UBE2H: variants seen among roughly 807,000 people sequenced by gnomAD.
UBE2H encodes ubiquitin conjugating enzyme E2 H, also known as ubiquitin-conjugating enzyme E2 H.
In UBE2H, 3 loss-of-function variants were observed where a neutral mutation model predicts 29.0. The observed-to-expected ratio is 0.10, with a 90% CI of 0.05 to 0.27. The LOEUF (loss-of-function observed/expected upper bound fraction) is 0.27. Ranked by LOEUF, UBE2H falls within the 10% of genes least tolerant of loss-of-function variation. UBE2H has a pLI of 1.00. For missense variants in UBE2H, 68 were observed against 228.2 expected, an observed-to-expected ratio of 0.30 and a Z score of 4.52; for synonymous variants, 69 against 82.9, an observed-to-expected ratio of 0.83 and a Z score of 0.91.
chr7:129,869,310 T>A (rs965665003), intron 3 of UBE2H, among the ~76,000 whole-genome samples: 1 of 152,070 alleles, frequency 6.6e-6, no homozygotes, highest in African/African-American at 2.4e-5. Context: ...ACCCTGACCT[T>A]TGTCATTCCC....
At chr7:129,919,623 C>T (rs1019464184) in intron 1 of UBE2H, among the ~76,000 whole-genome samples, 1 of 152,200 alleles carries the variant, frequency 6.6e-6, no homozygotes, top group Non-Finnish European at 1.5e-5. Context: ...GGTCAAACTT[C>T]ATCTCTTGGA....
intron 3 of UBE2H, among the ~76,000 whole-genome samples, chr7:129,871,404 C>A (rs1245110889): frequency 1.3e-5 from 2 of 152,160 alleles, no homozygotes; most frequent in Admixed American, 1.3e-4. Flanking sequence ...TTGTTTCTCT[C>A]TACTGGAATT....
chr7:129,836,183 T>C (rs1409828567), intron 6 of UBE2H, among the ~76,000 whole-genome samples: 1 of 152,254 alleles, frequency 6.6e-6, no homozygotes, highest in African/African-American at 2.4e-5. Context: ...GAAATATTTA[T>C]TCAAACTTTA....
At chr7:129,939,171 G>T (rs1030922954) in intron 1 of UBE2H, among the ~76,000 whole-genome samples, 1 of 152,096 alleles carries the variant, frequency 6.6e-6, no homozygotes, top group South Asian at 2.1e-4. Context: ...AAAAGTGACT[G>T]TTTTTTTAAT....
chr7:129,893,474 C>G (rs558820713), intron 1 of UBE2H, among the ~76,000 whole-genome samples: 5 of 152,186 alleles, frequency 3.3e-5, no homozygotes, highest in African/African-American at 1.2e-4. Context: ...TTTTTAAAAG[C>G]AGATTTACAA....
In UBE2H at chr7:129,832,861, A is replaced by G. The variant is rs369663535; in HGVS notation, c.*2076T>C. 6.6e-6 allele frequency: 1 copy of G among 152,292 alleles called. No homozygotes were observed. The highest frequency in any genetic ancestry group is 1.9e-4 in the East Asian group (1 of 5,190). 9.4% of individuals were successfully genotyped at this position (152,292 alleles called of 1,614,324 possible). On this transcript the variant is annotated 3_prime_UTR_variant, in exon 7 of 7. Transcript: ENST00000355621. The stretch of plus-strand genomic sequence containing the variant: ...CCAGCACTTTAAGCCTACCCTAAAT[A>G]GCACCTACAATAAATGTCATAGCAC...
At chr7:129,861,310 T>C (rs904987717) in intron 3 of UBE2H, among the ~76,000 whole-genome samples, 4 of 152,152 alleles carry the variant, frequency 2.6e-5, no homozygotes, top group Non-Finnish European at 5.9e-5. Flanking sequence ...GTTTAAAACA[T>C]ATGCACATAA....
chr7:129,858,358 A>G (rs1441167221), intron 4 of UBE2H, among the ~76,000 whole-genome samples: 2 of 152,236 alleles, frequency 1.3e-5, no homozygotes, highest in African/African-American at 4.8e-5. Context: ...AGTAAAACTT[A>G]GTGCCATGAC....
chr7:129,889,570 T>C (rs988931594), intron 1 of UBE2H, among the ~76,000 whole-genome samples: 1 of 152,196 alleles, frequency 6.6e-6, no homozygotes, highest in Non-Finnish European at 1.5e-5. Context: ...ACTCCTAACA[T>C]TCCCACCATG....
chr7:129,920,848 CAAAAAAAAAAAA>C (rs11347186), intron 1 of UBE2H, among the ~76,000 whole-genome samples: 2 of 73,984 alleles, frequency 2.7e-5, no homozygotes, highest in East Asian at 4.8e-4. Context: ...TAGAAAAAGT[CAAAAAAAAAAAA>C]AAAAAAAAAA....
At chr7:129,927,956 G>C (rs1035515975) in intron 1 of UBE2H, among the ~76,000 whole-genome samples, 3 of 151,654 alleles carry the variant, frequency 2.0e-5, no homozygotes, top group Admixed American at 2.0e-4. Context: ...AGCACTTTGG[G>C]AGGCGGGTCA....
chr7:129,851,261 T>C (rs1295321891), intron 5 of UBE2H, among the ~76,000 whole-genome samples: 7 of 152,212 alleles, frequency 4.6e-5, no homozygotes, highest in African/African-American at 1.7e-4. Context: ...ATTTGGGTGT[T>C]TTTTAGAGGT....
rs201031805 is a variant in UBE2H at position 129,890,961 on chromosome 7, C to T, written c.54-9990G>A. The stretch of plus-strand genomic sequence containing the variant: ...CAGCCTGGCCAAAATAGTGAAACCC[C>T]GTCTCTACTAAAAATACAAAACAAA... On this transcript the variant is annotated intron_variant, in intron 1 of 6. Coordinates refer to ENST00000355621, the MANE Select transcript of UBE2H (RefSeq NM_003344.4). 9.2e-5 allele frequency among the ~76,000 whole-genome samples: 14 copies of T among 151,740 alleles called. No individual in the cohort carries two copies. The East Asian group carries it at 1.8e-3, about 20-fold the overall frequency.
chr7:129,857,296 A>G (rs976914021), intron 5 of UBE2H: 3 of 564,986 alleles, frequency 5.3e-6, no homozygotes, highest in East Asian at 2.9e-5. Context: ...TTAAGTTTGG[A>G]ATCTCAAAAA....
intron 1 of UBE2H, among the ~76,000 whole-genome samples, chr7:129,920,005 G>A (rs375435455): frequency 2.0e-5 from 3 of 151,834 alleles, no homozygotes; most frequent in South Asian, 2.1e-4. Context: ...TTCATCTCTC[G>A]CCAAGCTGAA....
intron 1 of UBE2H, among the ~76,000 whole-genome samples, chr7:129,951,747 A>G (rs1487814148): frequency 6.6e-6 from 1 of 152,124 alleles, no homozygotes; most frequent in Non-Finnish European, 1.5e-5. Flanking sequence ...TGGCCAGTCC[A>G]GGGACTATTT....
intron 1 of UBE2H, among the ~76,000 whole-genome samples, chr7:129,940,843 G>A (rs1437974405): frequency 6.6e-6 from 1 of 152,206 alleles, no homozygotes; most frequent in African/African-American, 2.4e-5. Context: ...CTTCTCCAAT[G>A]TGATACCCAA....
chr7:129,907,114 G>A (rs549471881), intron 1 of UBE2H, among the ~76,000 whole-genome samples: 2 of 144,024 alleles, frequency 1.4e-5, no homozygotes, highest in Non-Finnish European at 1.5e-5. Flanking sequence ...ATCATCAAAA[G>A]CCATTTATTA....
At chr7:129,874,313 T>A (rs1039408971) in intron 3 of UBE2H, among the ~76,000 whole-genome samples, 5 of 144,068 alleles carry the variant, frequency 3.5e-5, no homozygotes, top group Non-Finnish European at 6.1e-5. Context: ...TATATATAAT[T>A]TTTTTTTTTT....
Sources: allele counts gnomAD v4.1 joint callset (sites outside exome capture counted in the v4.1 genomes callset), GRCh38; gene constraint gnomAD v4.1.1; transcripts MANE v1.5; gene names NCBI Gene and HGNC (gene_info 2026-07-23, HGNC 2026-07-21).